EPHB1: variants seen among roughly 807,000 people sequenced by gnomAD.
EPHB1 encodes the protein ephrin type-B receptor 1.
In EPHB1, 30 loss-of-function variants were observed where a neutral mutation model predicts 94.4. The observed-to-expected ratio is 0.32, with a 90% CI of 0.24 to 0.43. The LOEUF (loss-of-function observed/expected upper bound fraction) is 0.43. Among genes scored for constraint, EPHB1 ranks in the 20% least tolerant of loss-of-function variants. EPHB1 has a pLI of 1.00. For synonymous variants in EPHB1, 522 were observed against 489.1 expected (o/e 1.07, Z -0.89); for missense variants, 1,055 against 1,308.3 (o/e 0.81, Z 2.99).
intron 3 of EPHB1, among the ~76,000 whole-genome samples, chr3:135,094,461 C>G (rs1357849277): frequency 6.6e-6 from 1 of 152,152 alleles, no homozygotes; most frequent in Non-Finnish European, 1.5e-5. Flanking sequence ...GGGGCTGGGC[C>G]GTGGACAGGA....
chr3:135,058,177 C>G (rs907834905), intron 3 of EPHB1, among the ~76,000 whole-genome samples: 10 of 152,206 alleles, frequency 6.6e-5, no homozygotes, highest in Non-Finnish European at 1.5e-4. Context: ...CCATGAGCTT[C>G]TGGGTTTGGG....
intron 6 of EPHB1, among the ~76,000 whole-genome samples, chr3:135,156,161 C>A (rs1941348072): frequency 1.3e-5 from 2 of 151,854 alleles, no homozygotes; most frequent in African/African-American, 4.8e-5. Flanking sequence ...AGGAAAGGAA[C>A]AGAAGTTCAG....
chr3:134,942,876 T>C (rs1413837949), intron 2 of EPHB1, among the ~76,000 whole-genome samples: 1 of 152,208 alleles, frequency 6.6e-6, no homozygotes, highest in Admixed American at 6.5e-5. Context: ...CTGAAGGAGC[T>C]CACAGCCTGG....
At chr3:135,134,188 A>C (rs1295319206) in intron 5 of EPHB1, among the ~76,000 whole-genome samples, 1 of 152,200 alleles carries the variant, frequency 6.6e-6, no homozygotes, top group African/African-American at 2.4e-5. Context: ...GGAATTATAG[A>C]TTTTTCTCAA....
At chr3:135,027,759 C>T (rs199641563) in intron 3 of EPHB1, among the ~76,000 whole-genome samples, 19,891 of 122,514 alleles carry the variant, frequency 0.16, 1,956 homozygotes, top group East Asian at 0.56. Flanking sequence ...AGGGAGGATT[C>T]CCTCTTTTTC....
At chr3:134,864,591 G>A (rs1400623061) in intron 1 of EPHB1, among the ~76,000 whole-genome samples, 3 of 152,162 alleles carry the variant, frequency 2.0e-5, no homozygotes, top group African/African-American at 7.2e-5. Flanking sequence ...AAAGACATCA[G>A]TGAACCTGAA....
chr3:135,164,638 A>G (rs1294926734), intron 7 of EPHB1, among the ~76,000 whole-genome samples: 1 of 151,974 alleles, frequency 6.6e-6, no homozygotes, highest in East Asian at 1.9e-4. Flanking sequence ...GTAAAACCCC[A>G]TCTCTACTAA....
intron 12 of EPHB1, among the ~76,000 whole-genome samples, chr3:135,216,867 A>G (rs1943160980): frequency 6.6e-6 from 1 of 152,182 alleles, no homozygotes; most frequent in South Asian, 2.1e-4. Context: ...AACTGGGGTG[A>G]ATCTCAACAA....
chr3:135,115,726 C>G (rs573166402), intron 4 of EPHB1, among the ~76,000 whole-genome samples: 1 of 152,126 alleles, frequency 6.6e-6, no homozygotes, highest in Non-Finnish European at 1.5e-5. Context: ...GGTCGCCTAA[C>G]TTATCTGAAT....
intron 1 of EPHB1, among the ~76,000 whole-genome samples, chr3:134,844,628 C>A (rs922207587): frequency 6.6e-6 from 1 of 152,314 alleles, no homozygotes. Context: ...CTAGCAGGAC[C>A]TTCATATCAG....
chr3:135,101,193 C>T (rs1047007404), intron 3 of EPHB1, among the ~76,000 whole-genome samples: 11 of 152,190 alleles, frequency 7.2e-5, no homozygotes, highest in Non-Finnish European at 1.2e-4. Context: ...TACCCACCTC[C>T]TGGAAATGTA....
intron 3 of EPHB1, among the ~76,000 whole-genome samples, chr3:134,963,625 C>A (rs1175741367): frequency 6.6e-6 from 1 of 152,166 alleles, no homozygotes; most frequent in East Asian, 1.9e-4. Flanking sequence ...TTATTAGCCT[C>A]ATTTTTCCAT....
intron 4 of EPHB1, among the ~76,000 whole-genome samples, chr3:135,130,825 T>C (rs983195424): frequency 6.6e-6 from 1 of 152,152 alleles, no homozygotes; most frequent in Non-Finnish European, 1.5e-5. Context: ...GTGAATGCCT[T>C]TACTTTGAGA....
In EPHB1 at chr3:135,165,992, A is replaced by G; in HGVS notation, c.1610A>G (p.Glu537Gly). The change falls in exon 8 of 16, where the codon GAG becomes GGG. Residue 537 changes from glutamate to glycine, a missense_variant. Glu to Gly is a moderately conservative substitution (Grantham distance 98, BLOSUM62 -2). Coordinates refer to ENST00000398015, the MANE Select transcript of EPHB1 (RefSeq NM_004441.5). Reference protein sequence around the residue: ...TDDDYKSELREQLPLIAGSAA... With the variant: ...TDDDYKSELRGQLPLIAGSAA... Reference sequence around the variant, plus strand: ...GATGATTACAAGTCAGAGCTGAGGGAGCAGCTGCCCCTGATTGCTGGCTCG... The same window carrying G: ...GATGATTACAAGTCAGAGCTGAGGGGGCAGCTGCCCCTGATTGCTGGCTCG... 6.2e-7 allele frequency: 1 copy of G among 1,613,880 alleles called. No homozygotes were observed. Among genetic ancestry groups the G allele is most frequent in the Non-Finnish European group, 8.5e-7 (1 of 1,179,864 alleles).
intron 11 of EPHB1, among the ~76,000 whole-genome samples, chr3:135,195,057 GAAGTT>G (rs1942561344): frequency 6.6e-6 from 1 of 152,134 alleles, no homozygotes; most frequent in South Asian, 2.1e-4. Context: ...AAAGTTGAAT[GAAGTT>G]GAGTTGAATA....
intron 3 of EPHB1, among the ~76,000 whole-genome samples, chr3:135,080,611 G>A (rs910930380): frequency 3.3e-5 from 5 of 152,064 alleles, no homozygotes; most frequent in Non-Finnish European, 7.4e-5. Flanking sequence ...AGAGACTGGG[G>A]TGGTGGCAGT....
intron 1 of EPHB1, among the ~76,000 whole-genome samples, chr3:134,800,014 C>T (rs76164650): frequency 0.07 from 10,583 of 152,070 alleles, 512 homozygotes; most frequent in Admixed American, 0.15. Flanking sequence ...TTTGTGAACT[C>T]GGGGCAATGA....
chr3:135,180,412 A>G (rs1260307795), intron 10 of EPHB1, among the ~76,000 whole-genome samples: 4 of 152,234 alleles, frequency 2.6e-5, no homozygotes, highest in Non-Finnish European at 5.9e-5. Context: ...ATGTACATGA[A>G]TTTGAAGACA....
intron 1 of EPHB1, among the ~76,000 whole-genome samples, chr3:134,843,818 T>C (rs2036819310): frequency 2.0e-5 from 3 of 152,192 alleles, no homozygotes; most frequent in Admixed American, 2.0e-4. Flanking sequence ...TAAAAGTGGT[T>C]TTATTTAGGT....
Sources: gnomAD v4.1 joint callset for allele counts (sites outside exome capture counted in the v4.1 genomes callset) on GRCh38, gnomAD v4.1.1 for gene constraint, MANE v1.5 for transcripts, NCBI Gene and HGNC (gene_info 2026-07-23, HGNC 2026-07-21) for gene names.